The following AFF3 variants were observed in gnomAD, a reference collection of about 807,000 sequenced individuals.
AFF3 encodes AF4/FMR2 family member 3.
In AFF3, 32 loss-of-function variants were observed where a neutral mutation model predicts 129.7. The observed-to-expected ratio is 0.25, with a 90% confidence interval of 0.19 to 0.33. The LOEUF (loss-of-function observed/expected upper bound fraction) is 0.33. Ranked by LOEUF, AFF3 falls within the 10% of genes least tolerant of loss-of-function variation. The pLI, the probability that AFF3 is intolerant of heterozygous loss-of-function variation, is 1.00. For missense variants in AFF3, 1,373 were observed against 1,592.0 expected (o/e 0.86, Z 2.34); for synonymous variants, 644 against 635.4 (o/e 1.01, Z -0.20).
intron 2 of AFF3, among the ~76,000 whole-genome samples, chr2:100,124,226 G>T (rs907206734): frequency 6.6e-6 from 1 of 152,020 alleles, no homozygotes; most frequent in Non-Finnish European, 1.5e-5. Context: ...GGCTGGAGTT[G>T]AAAAAAATTA....
At chr2:99,554,625 T>C (rs1674748911) in intron 23 of AFF3, 58 bp downstream of exon 23, 2 of 1,612,662 alleles carry the variant, frequency 1.2e-6, no homozygotes, top group Non-Finnish European at 1.7e-6. Context: ...CAAAGCGCAG[T>C]GGCCCAGCAC....
At chr2:99,572,852 C>T (rs3792122) in intron 18 of AFF3, among the ~76,000 whole-genome samples, 1 of 152,026 alleles carries the variant, frequency 6.6e-6, no homozygotes, top group Non-Finnish European at 1.5e-5. Flanking sequence ...CCCCACAGAT[C>T]CAGGTAGATT....
intron 11 of AFF3, among the ~76,000 whole-genome samples, chr2:99,680,447 T>G (rs1038244747): frequency 1.3e-5 from 2 of 151,938 alleles, no homozygotes; most frequent in Admixed American, 6.6e-5. Context: ...AGAGGACAGG[T>G]CAGAGGATTC....
chr2:99,630,672 G>A, intron 13 of AFF3: 1 of 156,130 alleles, frequency 6.4e-6, no homozygotes. Context: ...TGAAGGGGAA[G>A]CAAGGCACGT....
chr2:99,882,817 C>T (rs992246794), intron 7 of AFF3, among the ~76,000 whole-genome samples: 2 of 152,172 alleles, frequency 1.3e-5, no homozygotes, highest in Non-Finnish European at 2.9e-5. Flanking sequence ...CAAGGCATGG[C>T]CCTAGCAATT....
intron 7 of AFF3, among the ~76,000 whole-genome samples, chr2:99,859,514 T>C (rs1057205993): frequency 2.0e-5 from 3 of 152,214 alleles, no homozygotes; most frequent in Admixed American, 2.0e-4. Context: ...TTTATGAATA[T>C]GCTAACTAAC....
intron 4 of AFF3, among the ~76,000 whole-genome samples, chr2:100,029,932 T>C (rs762838892): frequency 6.6e-6 from 1 of 151,996 alleles, no homozygotes; most frequent in Non-Finnish European, 1.5e-5. Context: ...CCAGGCATGG[T>C]GGTATGTGCC....
intron 7 of AFF3, among the ~76,000 whole-genome samples, chr2:99,926,776 A>G (rs1696276948): frequency 6.6e-6 from 1 of 152,106 alleles, no homozygotes; most frequent in Non-Finnish European, 1.5e-5. Context: ...AATACAATAT[A>G]TGCTTAACAA....
At chr2:99,788,685 T>C (rs903904169) in intron 8 of AFF3, among the ~76,000 whole-genome samples, 4 of 152,188 alleles carry the variant, frequency 2.6e-5, no homozygotes, top group Non-Finnish European at 4.4e-5. Context: ...ATAAATTTAG[T>C]ATAGTCTAAG....
At chr2:99,724,919 T>C (rs1437191537) in intron 11 of AFF3, among the ~76,000 whole-genome samples, 3 of 152,142 alleles carry the variant, frequency 2.0e-5, no homozygotes, top group Non-Finnish European at 4.4e-5. Context: ...CTCCCATTGT[T>C]TTTATATTTC....
At chr2:100,060,171 C>T (rs1687149763) in intron 4 of AFF3, among the ~76,000 whole-genome samples, 1 of 152,030 alleles carries the variant, frequency 6.6e-6, no homozygotes, top group South Asian at 2.1e-4. Context: ...CTGTGTTATC[C>T]ACAAACTTGT....
At chr2:99,890,343 A>G (rs762376397) in intron 7 of AFF3, among the ~76,000 whole-genome samples, 2 of 152,208 alleles carry the variant, frequency 1.3e-5, no homozygotes, top group Non-Finnish European at 2.9e-5. Flanking sequence ...TCTCATGCCT[A>G]GCTCTATACA....
At chr2:99,579,379 T>G (rs567171913) in intron 17 of AFF3, among the ~76,000 whole-genome samples, 2 of 145,788 alleles carry the variant, frequency 1.4e-5, no homozygotes, top group Admixed American at 1.4e-4. Context: ...CACTCCAGCC[T>G]GGGCAACAAG....
At position 99,548,714 on chromosome 2, in the gene AFF3, G is replaced by C. The variant is rs1231430135; in HGVS notation, c.*2760C>G. 8.8e-6 allele frequency: 2 copies of C among 228,226 alleles called. No homozygotes were observed. Among genetic ancestry groups the C allele is most frequent in the African/African-American group, 4.4e-5 (2 of 45,064 alleles). The allele number at this position is 228,226 out of a possible 1,614,324, so 14.1% of individuals were successfully genotyped here. On this transcript the variant is annotated 3_prime_UTR_variant, in exon 25 of 25. Coordinates refer to ENST00000672756, the MANE Select transcript of AFF3 (RefSeq NM_001386135.1). Reference sequence around the variant, plus strand: ...GCCATGATCGCGCCACCGCATTCCAGCTTGGGCTACAGAGCCAGACCCGGT... The same window carrying C: ...GCCATGATCGCGCCACCGCATTCCACCTTGGGCTACAGAGCCAGACCCGGT...
intron 8 of AFF3, among the ~76,000 whole-genome samples, chr2:99,774,897 G>GA (rs962638595): frequency 2.0e-5 from 3 of 151,156 alleles, no homozygotes; most frequent in Non-Finnish European, 4.4e-5. Flanking sequence ...AAATTTACAA[G>GA]AAAAAAAATA....
chr2:99,655,162 G>C (rs750250160), intron 12 of AFF3, among the ~76,000 whole-genome samples: 12 of 150,442 alleles, frequency 8.0e-5, no homozygotes, highest in Non-Finnish European at 1.8e-4. Flanking sequence ...AACAAGCAAA[G>C]CCCTTGCAAT....
At chr2:100,057,320 C>CAA (rs57672976) in intron 4 of AFF3, among the ~76,000 whole-genome samples, 8,547 of 54,638 alleles carry the variant, frequency 0.16, 960 homozygotes, top group Middle Eastern at 0.22. Context: ...GACTCTGTCT[C>CAA]AAAAAAAAAA....
chr2:99,825,365 T>C (rs1338677228), intron 8 of AFF3, among the ~76,000 whole-genome samples: 1 of 152,220 alleles, frequency 6.6e-6, no homozygotes, highest in Non-Finnish European at 1.5e-5. Flanking sequence ...TCTGTGTGTG[T>C]ACAATAGTAA....
rs112378238 is a variant in AFF3 at position 99,953,565 on chromosome 2, G to C, written c.873+53067C>G. On this transcript the variant is annotated intron_variant, in intron 7 of 24. Coordinates refer to ENST00000672756, the MANE Select transcript of AFF3 (RefSeq NM_001386135.1). ...TACAAGTCTTAGAAGATTGTGGATC[G>C]GTAATAGCTATAACTTCTCAAATTC... is the stretch of plus-strand genomic sequence containing the variant. Among the ~76,000 whole-genome samples the C allele has an allele frequency of 1.9e-3, 286 of 152,250 alleles. 1 individual carries two copies. Among genetic ancestry groups the C allele is most frequent in the South Asian group, 3.3e-3 (16 of 4,816 alleles).
Sources: gnomAD v4.1 joint callset for allele counts (sites outside exome capture counted in the v4.1 genomes callset) on GRCh38, gnomAD v4.1.1 for gene constraint, MANE v1.5 for transcripts, NCBI Gene and HGNC (gene_info 2026-07-23, HGNC 2026-07-21) for gene names.